Variants in RBFOX1 observed in about 807,000 individuals in gnomAD.
The protein encoded by RBFOX1 is RNA binding fox-1 homolog 1, also known as RNA binding protein fox-1 homolog 1.
In RBFOX1, 8 loss-of-function variants were observed where a neutral mutation model predicts 57.7. That is an observed-to-expected ratio of 0.14 (90% CI 0.08 to 0.25). The LOEUF is 0.25. Among genes scored for constraint, RBFOX1 ranks in the 10% least tolerant of loss-of-function variants. RBFOX1 has a pLI of 1.00. For synonymous variants in RBFOX1, 326 were observed against 222.4 expected, an observed-to-expected ratio of 1.47 and a Z score of -4.15; for missense variants, 611 against 548.5, an observed-to-expected ratio of 1.11 and a Z score of -1.14.
intron 3 of RBFOX1, among the ~76,000 whole-genome samples, chr16:7,013,778 C>G (rs377551226): frequency 6.6e-6 from 1 of 152,046 alleles, no homozygotes; most frequent in Non-Finnish European, 1.5e-5. Context: ...TTATCTTAGC[C>G]TCCCAAGGAG....
chr16:6,421,011 G>A (rs1201509005), intron 2 of RBFOX1, among the ~76,000 whole-genome samples: 2 of 152,172 alleles, frequency 1.3e-5, no homozygotes, highest in African/African-American at 2.4e-5. Context: ...TCTTTATATT[G>A]TGATGGCACT....
chr16:5,418,080 T>A (rs961972449), intron 1 of RBFOX1, among the ~76,000 whole-genome samples: 3 of 150,878 alleles, frequency 2.0e-5, no homozygotes, highest in African/African-American at 7.3e-5. Flanking sequence ...AAACTCCATC[T>A]CAACAACAAC....
intron 1 of RBFOX1, among the ~76,000 whole-genome samples, chr16:6,231,967 C>G (rs2097464954): frequency 6.6e-6 from 1 of 151,518 alleles, no homozygotes; most frequent in Non-Finnish European, 1.5e-5. Flanking sequence ...GCAAATTATG[C>G]ACGGGAGGGA....
intron 3 of RBFOX1, among the ~76,000 whole-genome samples, chr16:5,712,367 C>G (rs1209824201): frequency 6.6e-6 from 1 of 152,196 alleles, no homozygotes; most frequent in Non-Finnish European, 1.5e-5. Context: ...TAGACAAGTG[C>G]TCTAAGGCTT....
intron 4 of RBFOX1, among the ~76,000 whole-genome samples, chr16:7,394,841 T>G (rs2098115266): frequency 1.3e-5 from 2 of 152,190 alleles, no homozygotes; most frequent in South Asian, 4.1e-4. Flanking sequence ...CCTTATTGTT[T>G]TTCAATCCGT....
At chr16:6,280,855 C>T (rs4786848) in intron 1 of RBFOX1, among the ~76,000 whole-genome samples, 119,495 of 151,638 alleles carry the variant, frequency 0.79, 47,521 homozygotes, top group East Asian at 0.99. Context: ...GTGGCTATTT[C>T]CTTTTCCTTT....
At chr16:6,285,566 C>A (rs896028774) in intron 1 of RBFOX1, among the ~76,000 whole-genome samples, 3 of 152,138 alleles carry the variant, frequency 2.0e-5, no homozygotes, top group Non-Finnish European at 4.4e-5. Flanking sequence ...TTCTTTGCCT[C>A]ACAGATTCTG....
intron 4 of RBFOX1, among the ~76,000 whole-genome samples, chr16:7,481,886 C>G (rs2064039067): frequency 6.6e-6 from 1 of 152,184 alleles, no homozygotes; most frequent in Admixed American, 6.5e-5. Context: ...CAGAGGCTAT[C>G]TTACAATAAA....
chr16:7,279,831 C>T (rs1309839053), intron 4 of RBFOX1, among the ~76,000 whole-genome samples: 1 of 152,184 alleles, frequency 6.6e-6, no homozygotes, highest in African/African-American at 2.4e-5. Flanking sequence ...AATGGCCAAG[C>T]TTTCTATCCC....
chr16:6,765,402 G>T (rs1010931383), intron 3 of RBFOX1, among the ~76,000 whole-genome samples: 2 of 152,268 alleles, frequency 1.3e-5, no homozygotes, highest in African/African-American at 2.4e-5. Context: ...ATTGCTGAGA[G>T]GATCAGGAAA....
rs116696817 is a variant in RBFOX1 at position 5,498,065 on chromosome 16, T to C, written c.258+30811T>C. On this transcript the variant is annotated intron_variant, in intron 2 of 2. Transcript: ENST00000585867. ...TCCAGAGTGGCTGGAGTGAGTGAGC[T>C]TGAGGGAGAGGGGGCAGAGGGCAGA... Among the ~76,000 whole-genome samples the C allele has an allele frequency of 5.8e-3, 877 of 152,208 alleles. 15 individuals carry two copies. The highest frequency in any genetic ancestry group is 0.02 in the African/African-American group (810 of 41,528).
chr16:6,540,805 A>G (rs1192940149), intron 2 of RBFOX1, among the ~76,000 whole-genome samples: 1 of 152,026 alleles, frequency 6.6e-6, no homozygotes, highest in East Asian at 1.9e-4. Flanking sequence ...ATCTTACTCT[A>G]GCTGTACTTT....
rs139956829 is a variant in RBFOX1, at chr16:7,009,243, A to ACTTCCTCTC, written c.-15-42796_-15-42788dup. ...CCCTCTTTCTTTTTTCTTCTTGTCT[A>ACTTCCTCTC]CTTCCTCTCCTTCCTCTCCTTCCTC... On this transcript the variant is annotated intron_variant, in intron 3 of 15. Coordinates refer to ENST00000550418, the MANE Select transcript of RBFOX1 (RefSeq NM_018723.4). 6.7e-5 allele frequency among the ~76,000 whole-genome samples: 8 copies of ACTTCCTCTC among 119,620 alleles called. No individual in the cohort carries two copies. In the East Asian group the frequency reaches 9.1e-4, roughly 14 times the overall value. The allele number at this position is 119,620 out of a possible 152,430, so 78.5% of individuals were successfully genotyped here.
Position 7,501,569 on chromosome 16 carries a change from C to G in RBFOX1, c.28-16578C>G, listed in dbSNP as rs890095080. 2.0e-5 allele frequency among the ~76,000 whole-genome samples: 3 copies of G among 152,168 alleles called. No individual in the cohort carries two copies. The East Asian group carries it at 5.8e-4, about 29-fold the overall frequency. Reference sequence around the variant, plus strand: ...CAGCCCAGCTCTATATTTTATAGGTCCTATGTCTCTGTGAAAATGTCCTCA... The same window carrying G: ...CAGCCCAGCTCTATATTTTATAGGTGCTATGTCTCTGTGAAAATGTCCTCA... On this transcript the variant is annotated intron_variant, in intron 4 of 15. Transcript: ENST00000550418.
intron 10 of RBFOX1, among the ~76,000 whole-genome samples, chr16:7,613,615 G>A (rs537903387): frequency 1.3e-5 from 2 of 152,022 alleles, no homozygotes; most frequent in South Asian, 2.1e-4. Context: ...ATTTGACCTC[G>A]GATTTACCCA....
intron 13 of RBFOX1, among the ~76,000 whole-genome samples, chr16:7,671,150 C>G (rs1034659474): frequency 6.6e-6 from 1 of 152,170 alleles, no homozygotes; most frequent in Non-Finnish European, 1.5e-5. Flanking sequence ...TTCTTAACTA[C>G]TTCAATAATA....
intron 4 of RBFOX1, among the ~76,000 whole-genome samples, chr16:7,151,876 G>A (rs2076178145): frequency 6.6e-6 from 1 of 152,132 alleles, no homozygotes; most frequent in African/African-American, 2.4e-5. Context: ...CTATGAGAAT[G>A]TAATGCTGCT....
intron 1 of RBFOX1, among the ~76,000 whole-genome samples, chr16:5,267,995 C>G (rs1276372609): frequency 6.6e-6 from 1 of 152,072 alleles, no homozygotes; most frequent in African/African-American, 2.4e-5. Flanking sequence ...AGGAGAATCG[C>G]TTGAACCCAG....
At chr16:7,611,574 T>A (rs1263795416) in intron 10 of RBFOX1, among the ~76,000 whole-genome samples, 2 of 148,264 alleles carry the variant, frequency 1.3e-5, no homozygotes, top group Non-Finnish European at 3.0e-5. Flanking sequence ...AGCAAAACTC[T>A]GTCTCAAAAA....
Sources: allele counts gnomAD v4.1 joint callset (sites outside exome capture counted in the v4.1 genomes callset), GRCh38; gene constraint gnomAD v4.1.1; transcripts MANE v1.5; gene names NCBI Gene and HGNC (gene_info 2026-07-23, HGNC 2026-07-21).